Variants in NALCN observed in about 807,000 individuals in gnomAD.
The protein encoded by NALCN is sodium leak channel, non-selective.
In NALCN, 111 loss-of-function variants were observed where a neutral mutation model predicts 225.3. The observed-to-expected ratio is 0.49, with a 90% CI of 0.42 to 0.58. The LOEUF (loss-of-function observed/expected upper bound fraction) is 0.58. Ranked by LOEUF, NALCN falls within the 20% of genes least tolerant of loss-of-function variation. The pLI is 0.00. For synonymous variants in NALCN, 764 were observed against 769.0 expected (o/e 0.99, Z 0.11); for missense variants, 1,378 against 2,202.4 (o/e 0.63, Z 7.49).
At chr13:101,367,986 A>ATTTATTTTAT (rs60539617) in intron 6 of NALCN, among the ~76,000 whole-genome samples, 8,191 of 148,262 alleles carry the variant, frequency 0.055, 751 homozygotes, top group African/African-American at 0.19. Flanking sequence ...CTTTTTTGAA[A>ATTTATTTTAT]TTTATTTTAT....
intron 7 of NALCN, among the ~76,000 whole-genome samples, chr13:101,307,098 C>T (rs2044178108): frequency 6.6e-6 from 1 of 152,190 alleles, no homozygotes; most frequent in African/African-American, 2.4e-5. Context: ...ACTTCTAAGT[C>T]AGGGTAAGGT....
chr13:101,279,871 AT>A (rs2043108278), intron 10 of NALCN, among the ~76,000 whole-genome samples: 1 of 150,338 alleles, frequency 6.7e-6, no homozygotes, highest in African/African-American at 2.4e-5. Context: ...AAATAAATAA[AT>A]AAATAAAAAG....
At chr13:101,092,424 C>T (rs1425808299) in intron 28 of NALCN, among the ~76,000 whole-genome samples, 9 of 152,212 alleles carry the variant, frequency 5.9e-5, no homozygotes, top group Non-Finnish European at 1.3e-4. Context: ...GTACTTCCTA[C>T]AGCACCCCAA....
intron 9 of NALCN, among the ~76,000 whole-genome samples, chr13:101,291,787 C>A (rs1016510594): frequency 2.6e-5 from 4 of 152,096 alleles, no homozygotes; most frequent in African/African-American, 9.7e-5. Context: ...TGGGCTCAAG[C>A]AATCCCTCTC....
rs114453467 is a variant in NALCN at position 101,066,449 on chromosome 13, G to A, written c.4447-888C>T. ...TCCAGACACTGAGAATCTAAGATGTGTTGCTACCTTCCATGCAACACAAAC... is the reference window on the plus strand; with the variant it reads ...TCCAGACACTGAGAATCTAAGATGTATTGCTACCTTCCATGCAACACAAAC... On this transcript the variant is annotated intron_variant, in intron 39 of 43. Transcript: ENST00000251127. 3.2e-3 allele frequency among the ~76,000 whole-genome samples: 485 copies of A among 152,234 alleles called. 2 individuals carry two copies. The highest frequency in any genetic ancestry group is 0.011 in the African/African-American group (460 of 41,508).
intron 6 of NALCN, among the ~76,000 whole-genome samples, chr13:101,370,203 A>T (rs561437813): frequency 2.2e-4 from 33 of 152,280 alleles, no homozygotes; most frequent in African/African-American, 7.9e-4. Flanking sequence ...ACCTTAGACA[A>T]AAATAGAAAA....
chr13:101,161,071 C>T (rs566239390), intron 15 of NALCN, among the ~76,000 whole-genome samples: 1 of 152,316 alleles, frequency 6.6e-6, no homozygotes, highest in East Asian at 1.9e-4. Flanking sequence ...CAGATTTACA[C>T]CTTCCAGTAT....
At chr13:101,137,854 C>T (rs1350355452) in intron 17 of NALCN, among the ~76,000 whole-genome samples, 2 of 152,184 alleles carry the variant, frequency 1.3e-5, no homozygotes, top group African/African-American at 4.8e-5. Flanking sequence ...CATATGCTAG[C>T]CCAGGTGCAA....
intron 17 of NALCN, among the ~76,000 whole-genome samples, chr13:101,125,371 G>C (rs2036183155): frequency 6.6e-6 from 1 of 152,066 alleles, no homozygotes; most frequent in Non-Finnish European, 1.5e-5. Context: ...TAAATAACTA[G>C]ATTCACAATA....
intron 7 of NALCN, among the ~76,000 whole-genome samples, chr13:101,333,946 AT>A (rs1474060338): frequency 6.6e-6 from 1 of 152,076 alleles, no homozygotes; most frequent in African/African-American, 2.4e-5. Context: ...TTGTATTTGA[AT>A]TTGATTTAAA....
intron 13 of NALCN, among the ~76,000 whole-genome samples, chr13:101,192,610 A>T (rs2039727183): frequency 6.6e-6 from 1 of 152,238 alleles, no homozygotes; most frequent in Admixed American, 6.5e-5. Flanking sequence ...ATTTTTCATG[A>T]TTTAAAAAAA....
chr13:101,371,843 A>C (rs2046548055), intron 6 of NALCN, among the ~76,000 whole-genome samples: 1 of 152,142 alleles, frequency 6.6e-6, no homozygotes, highest in Non-Finnish European at 1.5e-5. Flanking sequence ...TTTCATCACC[A>C]CCAGGCTGGG....
intron 6 of NALCN, chr13:101,368,995 G>C (rs1324967295): frequency 5.5e-6 from 2 of 365,256 alleles, no homozygotes; most frequent in Non-Finnish European, 1.1e-5. Context: ...GTCAGAGTGA[G>C]AGTCTGTCTC....
chr13:101,390,161 A>C (rs2047104980), intron 3 of NALCN, among the ~76,000 whole-genome samples: 1 of 152,150 alleles, frequency 6.6e-6, no homozygotes, highest in South Asian at 2.1e-4. Flanking sequence ...TGAAGACTAT[A>C]ATCGAATATG....
intron 11 of NALCN, among the ~76,000 whole-genome samples, chr13:101,254,121 G>A (rs1447611285): frequency 6.6e-6 from 1 of 151,940 alleles, no homozygotes; most frequent in East Asian, 1.9e-4. Context: ...GATGGCTCAC[G>A]CCTGTAATTC....
chr13:101,094,252 G>T (rs1566805680), intron 28 of NALCN, among the ~76,000 whole-genome samples: 1 of 152,122 alleles, frequency 6.6e-6, no homozygotes, highest in African/African-American at 2.4e-5. Context: ...AGATAACCCT[G>T]CTCTCCAGAT....
chr13:101,306,436 C>A lies in NALCN; in HGVS notation c.800-14070G>T, dbSNP rs145266668. 2.6e-5 allele frequency among the ~76,000 whole-genome samples: 4 copies of A among 152,258 alleles called. No individual in the cohort carries two copies. The East Asian group carries it at 5.8e-4, about 22-fold the overall frequency. Reference sequence around the variant, plus strand: ...CAATGGGTTGTTTTACCCTCTATGTCGAGAAATTCCTCTAGGTCCAGCCGT... The same window carrying A: ...CAATGGGTTGTTTTACCCTCTATGTAGAGAAATTCCTCTAGGTCCAGCCGT... On this transcript the variant is annotated intron_variant, in intron 7 of 43. Transcript: ENST00000251127.
At chr13:101,289,063 G>A (rs1566535935) in intron 9 of NALCN, among the ~76,000 whole-genome samples, 1 of 152,210 alleles carries the variant, frequency 6.6e-6, no homozygotes, top group Non-Finnish European at 1.5e-5. Context: ...TCACTAAAAA[G>A]TTGTGGCCTG....
chr13:101,238,704 G>A (rs78940373), intron 11 of NALCN, among the ~76,000 whole-genome samples: 1 of 152,052 alleles, frequency 6.6e-6, no homozygotes, highest in African/African-American at 2.4e-5. Context: ...TAAAGACTAT[G>A]AGGGTGACTA....
Sources: allele counts gnomAD v4.1 joint callset (sites outside exome capture counted in the v4.1 genomes callset), GRCh38; gene constraint gnomAD v4.1.1; transcripts MANE v1.5; gene names NCBI Gene and HGNC (gene_info 2026-07-23, HGNC 2026-07-21).